The following CLCN1 variants were observed in gnomAD, a reference collection of about 807,000 sequenced individuals.
CLCN1 encodes the protein chloride channel protein 1.
A neutral mutation model predicts 114.5 loss-of-function variants in CLCN1; 100 were observed. That is an observed-to-expected ratio of 0.87 (90% confidence interval 0.74 to 1.03). CLCN1 has a LOEUF of 1.03. CLCN1 is among the 50% of genes least tolerant of loss of function. The probability of loss-of-function intolerance (pLI) is 0.00; values close to 1 mark genes in which losing one functional copy is unlikely to be tolerated. For synonymous variants in CLCN1, 485 were observed against 487.1 expected (o/e 1.00, Z 0.06); for missense variants, 1,188 against 1,250.0 (o/e 0.95, Z 0.75).
intron 20 of CLCN1, among the ~76,000 whole-genome samples, chr7:143,349,088 G>A (rs1447846293): frequency 2.6e-5 from 4 of 152,196 alleles, no homozygotes; most frequent in South Asian, 2.1e-4. Flanking sequence ...AAATGTTGCC[G>A]CGTTATTGTT....
In CLCN1 at chr7:143,351,960, C is replaced by T; in HGVS notation, c.2962C>T (p.Leu988Phe). 6.2e-7 allele frequency: 1 copy of T among 1,612,568 alleles called. No homozygotes were observed. The highest frequency in any genetic ancestry group is 8.5e-7 in the Non-Finnish European group (1 of 1,180,014). The change falls in exon 23 of 23, where the codon CTT (leucine) becomes TTT (phenylalanine). Residue 988 changes from leucine (L) to phenylalanine (F), a missense_variant. Coordinates refer to ENST00000343257, the MANE Select transcript of CLCN1 (RefSeq NM_000083.3). ...TDEEDEDELI[L>F] ...CGAGGAGGATGAGGATGAACTGATC[C>T]TTTGACCCCCTCCCACGACCTCCTC...
chr7:143,329,507 C>G (rs1366862063), intron 7 of CLCN1, among the ~76,000 whole-genome samples: 3 of 152,168 alleles, frequency 2.0e-5, no homozygotes, highest in Non-Finnish European at 2.9e-5. Context: ...CCACCCTCCC[C>G]CTGGTGCAAA....
At position 143,321,966 on chromosome 7, in the gene CLCN1, G is replaced by A; in HGVS notation, c.696+118G>A. The A allele has an allele frequency of 8.7e-7, 1 of 1,144,686 alleles. No individual in the cohort carries two copies. Among genetic ancestry groups the A allele is most frequent in the South Asian group, 1.5e-5 (1 of 67,008 alleles). 70.9% of individuals were successfully genotyped at this position (1,144,686 alleles called of 1,614,324 possible). The stretch of plus-strand genomic sequence containing the variant: ...ATCAGGGGACAGGACCAAGGCCAGG[G>A]CCAGGGGACACTAGGAAGGGGAAAT... On this transcript the variant is annotated intron_variant, in intron 5 of 22. Coordinates refer to ENST00000343257, the MANE Select transcript of CLCN1 (RefSeq NM_000083.3). This position sits in a 1 kb window ranked among gnomAD's most constrained non-coding sequence, Gnocchi z 4.2.
Position 143,351,730 on chromosome 7 carries a change from A to G in CLCN1, c.2732A>G (p.Glu911Gly). Residue 911 changes from glutamate to glycine, a missense_variant, in exon 23 of 23, where the codon GAG (glutamate) becomes GGG (glycine). By Grantham distance (98) the Glu-to-Gly change is moderately conservative. Coordinates refer to ENST00000343257, the MANE Select transcript of CLCN1 (RefSeq NM_000083.3). ...PSSAENWNLP[E>G]DRPGATGTGD... Reference sequence around the variant, plus strand: ...TCTGCAGAGAACTGGAACCTGCCTGAGGACAGGCCTGGGGCCACTGGAACA... The same window carrying G: ...TCTGCAGAGAACTGGAACCTGCCTGGGGACAGGCCTGGGGCCACTGGAACA... 4.3e-6 allele frequency: 7 copies of G among 1,614,170 alleles called. No individual in the cohort carries two copies. The highest frequency in any genetic ancestry group is 5.1e-6 in the Non-Finnish European group (6 of 1,180,026).
intron 7 of CLCN1, among the ~76,000 whole-genome samples, chr7:143,328,826 T>C (rs1356740066): frequency 6.6e-6 from 1 of 152,176 alleles, no homozygotes; most frequent in Non-Finnish European, 1.5e-5. Context: ...CTCTGTTTCC[T>C]GAAATTCTGT....
Position 143,321,086 on chromosome 7 carries a change from A to G in CLCN1, c.434-279A>G, listed in dbSNP as rs1480121745. On this transcript the variant is annotated intron_variant, in intron 3 of 22. Coordinates refer to ENST00000343257, the MANE Select transcript of CLCN1 (RefSeq NM_000083.3). This position sits in a 1 kb window ranked among gnomAD's most constrained non-coding sequence, Gnocchi z 4.2. The stretch of plus-strand genomic sequence containing the variant: ...CCAGTTTCAGCACTGAACATCCCGA[A>G]TCCCAGGAAGCCCCTTGGTTCTGGG... Among the ~76,000 whole-genome samples the G allele has an allele frequency of 1.3e-5, 2 of 152,074 alleles. No individual in the cohort carries two copies. Among genetic ancestry groups the G allele is most frequent in the African/African-American group, 4.8e-5 (2 of 41,418 alleles).
At chr7:143,337,078 T>C (rs1802923574) in intron 12 of CLCN1, among the ~76,000 whole-genome samples, 1 of 152,242 alleles carries the variant, frequency 6.6e-6, no homozygotes, top group South Asian at 2.1e-4. Flanking sequence ...ATGTGGTAGC[T>C]TCCAGTGGGG....
chr7:143,336,315 A>AG (rs1480227794), intron 12 of CLCN1, among the ~76,000 whole-genome samples: 1 of 144,272 alleles, frequency 6.9e-6, no homozygotes, highest in Admixed American at 6.9e-5. Context: ...GTAGTTCTGT[A>AG]GGTCTAGATC....
At chr7:143,345,364 T>A (rs1303002496) in intron 16 of CLCN1, among the ~76,000 whole-genome samples, 157 bp from the exon 17 acceptor site, 1 of 152,186 alleles carries the variant, frequency 6.6e-6, no homozygotes, top group Non-Finnish European at 1.5e-5. Context: ...GTGAGGTTAA[T>A]CTTGGAGGAT....
At chr7:143,326,260 C>T (rs1191144967) in intron 7 of CLCN1, among the ~76,000 whole-genome samples, 9 of 151,974 alleles carry the variant, frequency 5.9e-5, no homozygotes, top group South Asian at 4.1e-4. Flanking sequence ...TCAAGTGATC[C>T]GCCCACCTTG....
At chr7:143,328,376 G>A (rs1344847296) in intron 7 of CLCN1, among the ~76,000 whole-genome samples, 1 of 152,152 alleles carries the variant, frequency 6.6e-6, no homozygotes, top group East Asian at 1.9e-4. Flanking sequence ...GGTGGGAGAA[G>A]AGAGCAATGT....
At chr7:143,344,524 C>T (rs778976756) in intron 16 of CLCN1, among the ~76,000 whole-genome samples, 4 of 152,148 alleles carry the variant, frequency 2.6e-5, no homozygotes, top group Non-Finnish European at 4.4e-5. Flanking sequence ...ATACATTCCA[C>T]GTTCTACAGC....
intron 12 of CLCN1, among the ~76,000 whole-genome samples, chr7:143,337,901 A>G (rs1256185389): frequency 2.2e-5 from 3 of 134,886 alleles, no homozygotes; most frequent in African/African-American, 8.6e-5. Context: ...ATCTCAGCTC[A>G]CTGCAAGCTC....
chr7:143,330,074 G>A (rs948029157), intron 7 of CLCN1, among the ~76,000 whole-genome samples: 2 of 152,058 alleles, frequency 1.3e-5, no homozygotes, highest in African/African-American at 4.8e-5. Flanking sequence ...CCTTTCTTAA[G>A]CATGATTGTT....
intron 18 of CLCN1, 58 bp from the exon 19 acceptor site, chr7:143,346,521 C>A: frequency 7.4e-7 from 1 of 1,359,492 alleles, no homozygotes; most frequent in Admixed American, 1.7e-5. Flanking sequence ...CTGGGTGGGG[C>A]CCCTGGCCGT....
At chr7:143,327,864 AG>A (rs1382921327) in intron 7 of CLCN1, among the ~76,000 whole-genome samples, 1 of 152,160 alleles carries the variant, frequency 6.6e-6, no homozygotes, top group Non-Finnish European at 1.5e-5. Context: ...CATGTTGGCC[AG>A]GCTGGTCTCA....
Position 143,332,298 on chromosome 7 carries a change from C to A in CLCN1, c.1167-121C>A. 5 of 845,198 alleles carry A rather than the reference C, an allele frequency of 5.9e-6. No individual in the cohort carries two copies. The South Asian group carries it at 6.8e-5, about 11-fold the overall frequency. The allele number at this position is 845,198 out of a possible 1,614,324, so 52.4% of individuals were successfully genotyped here. ...TATTGGTTTTTTGTGTGAAGAGAAT[C>A]TTTTTCATTTAAAGAAATGAGACTA... is the stretch of plus-strand genomic sequence containing the variant. On this transcript the variant is annotated intron_variant, in intron 10 of 22. Transcript: ENST00000343257.
At chr7:143,330,745 C>G (rs753533377) in intron 7 of CLCN1, 27 bp from the exon 8 acceptor site, 1 of 1,613,686 alleles carries the variant, frequency 6.2e-7, no homozygotes, top group South Asian at 1.1e-5. Context: ...GCTGGCTGCC[C>G]CCAACCACAC....
chr7:143,339,417 T>G lies in CLCN1; in HGVS notation c.1472-94T>G, dbSNP rs957542370. 3.6e-6 allele frequency: 5 copies of G among 1,371,686 alleles called. 1 individual carries two copies. In the African/African-American group the frequency reaches 7.1e-5, roughly 20 times the overall value. The allele number at this position is 1,371,686 out of a possible 1,614,324, so 85.0% of individuals were successfully genotyped here. On this transcript the variant is annotated intron_variant, in intron 13 of 22. Coordinates refer to ENST00000343257, the MANE Select transcript of CLCN1 (RefSeq NM_000083.3). The surrounding 1 kb of genome is among the most constrained non-coding windows in gnomAD (Gnocchi z 4.1). ...GGCCCGGGATGCTGGGAGTTTATATTTGTTCTTAATGCCCAAGGAGAGATT... is the reference window on the plus strand; with the variant it reads ...GGCCCGGGATGCTGGGAGTTTATATGTGTTCTTAATGCCCAAGGAGAGATT...
Sources: gnomAD v4.1 joint callset for allele counts (sites outside exome capture counted in the v4.1 genomes callset) on GRCh38, gnomAD v4.1.1 for gene constraint, Gnocchi (gnomAD v3.1) non-coding constraint, MANE v1.5 for transcripts, NCBI Gene and HGNC (gene_info 2026-07-23, HGNC 2026-07-21) for gene names.